The following HERC3 variants were observed in gnomAD, a reference collection of about 807,000 sequenced individuals.
HERC3 encodes the protein probable E3 ubiquitin-protein ligase HERC3.
In HERC3, 58 loss-of-function variants were observed where a neutral mutation model predicts 129.9. The observed-to-expected ratio is 0.45, with a 90% CI of 0.36 to 0.56. The LOEUF is 0.56. Among genes scored for constraint, HERC3 ranks in the 20% least tolerant of loss-of-function variants. The pLI is 0.00. For missense variants in HERC3, 835 were observed against 1,244.2 expected, an observed-to-expected ratio of 0.67 and a Z score of 4.95; for synonymous variants, 430 against 451.0, an observed-to-expected ratio of 0.95 and a Z score of 0.59.
the HERC3 span, among the ~76,000 whole-genome samples, chr4:88,580,015 TC>T: frequency 7.9e-5 from 12 of 152,328 alleles, no homozygotes; most frequent in East Asian, 2.3e-3. Flanking sequence ...ACTTCTAGCC[TC>T]CAGAATCTGT....
At chr4:88,562,386 G>A in the HERC3 span, among the ~76,000 whole-genome samples, 1 of 152,038 alleles carries the variant, frequency 6.6e-6, no homozygotes, top group Non-Finnish European at 1.5e-5. Flanking sequence ...AGCTCCTCAT[G>A]TATTCATTCT....
the HERC3 span, among the ~76,000 whole-genome samples, chr4:88,538,162 T>C: frequency 2.6e-5 from 4 of 152,198 alleles, no homozygotes; most frequent in Admixed American, 2.6e-4. Context: ...ACACAATAAA[T>C]GGGAGGTTCT....
chr4:88,701,876 C>T (rs1248417871), intron 23 of HERC3, among the ~76,000 whole-genome samples: 1 of 149,500 alleles, frequency 6.7e-6, no homozygotes, highest in Non-Finnish European at 1.5e-5. Flanking sequence ...GATCATGGCT[C>T]ACTGCAGCCT....
At chr4:88,671,477 A>G (rs984695146) in intron 16 of HERC3, among the ~76,000 whole-genome samples, 6 of 152,200 alleles carry the variant, frequency 3.9e-5, no homozygotes, top group African/African-American at 1.4e-4. Context: ...TAAAAAATGC[A>G]TACAATGTTT....
chr4:88,578,647 A>G, the HERC3 span, among the ~76,000 whole-genome samples: 1 of 152,122 alleles, frequency 6.6e-6, no homozygotes, highest in Non-Finnish European at 1.5e-5. Flanking sequence ...GATTTAGGTC[A>G]TATATTAAAG....
At chr4:88,673,802 T>A (rs537661275) in intron 16 of HERC3, among the ~76,000 whole-genome samples, 7 of 152,308 alleles carry the variant, frequency 4.6e-5, no homozygotes, top group Non-Finnish European at 1.0e-4. Flanking sequence ...TTACAAAAAG[T>A]CTGTGGATGT....
the HERC3 span, chr4:88,583,688 G>A: frequency 2.6e-5 from 4 of 152,184 alleles, no homozygotes; most frequent in Non-Finnish European, 1.5e-5. Flanking sequence ...GTGGAGAGGG[G>A]CGCTTTGTAA....
intron 3 of HERC3, among the ~76,000 whole-genome samples, chr4:88,647,188 T>C (rs190029395): frequency 6.6e-6 from 1 of 152,210 alleles, no homozygotes; most frequent in East Asian, 1.9e-4. Flanking sequence ...GCTACTAAGC[T>C]GTAGTAAAGA....
chr4:88,680,683 CTA>C lies in HERC3; in HGVS notation c.2340+449_2340+450del, dbSNP rs536853943. Among the ~76,000 whole-genome samples, 913 of 152,164 alleles carry C rather than the reference CTA, an allele frequency of 6.0e-3. 3 individuals carry two copies. Among genetic ancestry groups the C allele is most frequent in the Middle Eastern group, 0.024 (7 of 294 alleles). On this transcript the variant is annotated intron_variant, in intron 20 of 25. Coordinates refer to ENST00000402738, the MANE Select transcript of HERC3 (RefSeq NM_014606.3). ...ATCAGACTGTCATTTACATTTTTTT[CTA>C]TGAGAGTTTTCTTCCTAGATCTGCA...
chr4:88,621,451 A>G (rs1158121411), intron 3 of HERC3, among the ~76,000 whole-genome samples: 1 of 152,242 alleles, frequency 6.6e-6, no homozygotes, highest in African/African-American at 2.4e-5. Context: ...TTGTGAAACA[A>G]AAACTTTCTA....
the HERC3 span, chr4:88,523,850 T>G: frequency 1.4e-6 from 1 of 719,266 alleles, no homozygotes; most frequent in Non-Finnish European, 2.1e-6. Context: ...GGCGCTTTGG[T>G]TCCGAGGGTG....
At chr4:88,678,995 C>T (rs550190628) in intron 19 of HERC3, among the ~76,000 whole-genome samples, 4 of 152,284 alleles carry the variant, frequency 2.6e-5, no homozygotes, top group Middle Eastern at 6.8e-3. Context: ...TCTGTGTAAT[C>T]CAGGTCCCAG....
intron 16 of HERC3, among the ~76,000 whole-genome samples, chr4:88,672,128 A>G (rs1731677387): frequency 6.6e-6 from 1 of 152,206 alleles, no homozygotes; most frequent in Admixed American, 6.5e-5. Flanking sequence ...CTGATTTCTA[A>G]TCTACCCTTT....
chr4:88,700,611 A>G (rs1735231722), intron 23 of HERC3, among the ~76,000 whole-genome samples: 1 of 151,916 alleles, frequency 6.6e-6, no homozygotes, highest in Non-Finnish European at 1.5e-5. Flanking sequence ...GTTTTTAGGT[A>G]TTTGCTGTTG....
intron 3 of HERC3, among the ~76,000 whole-genome samples, chr4:88,629,755 C>G (rs965134537): frequency 1.3e-5 from 2 of 152,162 alleles, no homozygotes; most frequent in African/African-American, 4.8e-5. Context: ...AAACTTATCT[C>G]TATATCTTTT....
chr4:88,562,271 T>C, the HERC3 span, among the ~76,000 whole-genome samples: 2 of 152,246 alleles, frequency 1.3e-5, no homozygotes, highest in Non-Finnish European at 2.9e-5. Flanking sequence ...CCTTTTCATA[T>C]ACCTGTTTGC....
At chr4:88,603,874 T>C (rs1723305178) in intron 2 of HERC3, among the ~76,000 whole-genome samples, 1 of 152,226 alleles carries the variant, frequency 6.6e-6, no homozygotes, top group Non-Finnish European at 1.5e-5. Context: ...CCTATTATGT[T>C]GGTAATAACA....
intron 23 of HERC3, among the ~76,000 whole-genome samples, chr4:88,698,485 T>G (rs1734911532): frequency 1.3e-5 from 2 of 152,082 alleles, no homozygotes; most frequent in South Asian, 4.2e-4. Context: ...ATCTCAGAGC[T>G]CCCGGTGTCC....
chr4:88,633,728 A>T (rs1367269312), intron 3 of HERC3, among the ~76,000 whole-genome samples: 1 of 152,072 alleles, frequency 6.6e-6, no homozygotes, highest in Non-Finnish European at 1.5e-5. Flanking sequence ...AGATTATCCT[A>T]TTAGACTCTA....
Sources: gnomAD v4.1 joint callset for allele counts (sites outside exome capture counted in the v4.1 genomes callset) on GRCh38, gnomAD v4.1.1 for gene constraint, MANE v1.5 for transcripts, NCBI Gene and HGNC (gene_info 2026-07-23, HGNC 2026-07-21) for gene names.